The following ANK3 variants were observed in gnomAD, a reference collection of about 807,000 sequenced individuals.
The protein encoded by ANK3 is ankyrin 3.
ANK3 carries 57 observed loss-of-function variants against 370.9 expected under a neutral mutation model. The ratio of observed to expected loss-of-function variants is 0.15; its 90% confidence interval spans 0.12 to 0.19. The LOEUF is 0.19. ANK3 is among the 10% of genes least tolerant of loss of function. The pLI is 1.00. For missense variants in ANK3, 4,439 were observed against 5,302.1 expected, an observed-to-expected ratio of 0.84 and a Z score of 5.06; for synonymous variants, 1,929 against 1,946.3, an observed-to-expected ratio of 0.99 and a Z score of 0.23.
At chr10:60,113,439 C>T (rs1034220946) in intron 26 of ANK3, among the ~76,000 whole-genome samples, 15 of 152,240 alleles carry the variant, frequency 9.9e-5, no homozygotes, top group Admixed American at 4.6e-4. Context: ...CTAGGTGTGG[C>T]GGCTCATGCC....
intron 2 of ANK3, among the ~76,000 whole-genome samples, chr10:60,563,279 T>C (rs982831287): frequency 6.6e-6 from 1 of 152,164 alleles, no homozygotes. Flanking sequence ...TTTGCTATAG[T>C]GCTTGGCATT....
At chr10:60,464,502 C>T (rs1327948748) in intron 2 of ANK3, among the ~76,000 whole-genome samples, 2 of 128,004 alleles carry the variant, frequency 1.6e-5, no homozygotes, top group Non-Finnish European at 3.7e-5. Context: ...TATAAGAACA[C>T]TCTCTAACTA....
chr10:60,264,297 G>A (rs903715055), intron 5 of ANK3, among the ~76,000 whole-genome samples: 1 of 152,038 alleles, frequency 6.6e-6, no homozygotes, highest in African/African-American at 2.4e-5. Flanking sequence ...AATTTTGAAA[G>A]TGTACAAAAA....
At chr10:60,291,903 G>A (rs986902947) in intron 1 of ANK3, among the ~76,000 whole-genome samples, 26 of 152,168 alleles carry the variant, frequency 1.7e-4, no homozygotes, top group African/African-American at 4.3e-4. Flanking sequence ...CAGTAGAGAC[G>A]GAGTTTTGCC....
intron 28 of ANK3, 53 bp from the exon 29 acceptor site, chr10:60,088,411 A>C (rs762452669): frequency 3.2e-5 from 47 of 1,450,248 alleles, no homozygotes; most frequent in Non-Finnish European, 4.0e-5. Flanking sequence ...TCTACAACAT[A>C]CCTTAAGTCA....
chr10:60,570,684 G>A (rs1175804990), intron 2 of ANK3, among the ~76,000 whole-genome samples: 1 of 152,146 alleles, frequency 6.6e-6, no homozygotes, highest in Non-Finnish European at 1.5e-5. Context: ...ACTAGACAGA[G>A]GGTGATGATC....
intron 1 of ANK3, among the ~76,000 whole-genome samples, chr10:60,334,025 C>T (rs1054342120): frequency 2.0e-5 from 3 of 152,056 alleles, no homozygotes; most frequent in African/African-American, 4.8e-5. Flanking sequence ...TACCTATGTG[C>T]TCACAGGAAT....
chr10:60,386,935 G>A (rs751092665), intron 1 of ANK3, among the ~76,000 whole-genome samples: 3 of 152,164 alleles, frequency 2.0e-5, no homozygotes, highest in Non-Finnish European at 4.4e-5. Flanking sequence ...CTAGGCGGGT[G>A]GATCACCTGA....
At chr10:60,366,436 G>T (rs1439641101) in intron 1 of ANK3, among the ~76,000 whole-genome samples, 3 of 152,178 alleles carry the variant, frequency 2.0e-5, no homozygotes, top group Admixed American at 2.0e-4. Context: ...TGCCAGGAAA[G>T]GAGGCACTTT....
intron 7 of ANK3, among the ~76,000 whole-genome samples, chr10:60,251,914 A>T (rs2097672990): frequency 6.6e-6 from 1 of 152,082 alleles, no homozygotes; most frequent in Admixed American, 6.6e-5. Context: ...CTCATAATTC[A>T]TCTTCAGTCT....
intron 2 of ANK3, among the ~76,000 whole-genome samples, chr10:60,395,608 C>CTTTCTTTCTT (rs1444364281): frequency 9.1e-6 from 1 of 109,892 alleles, no homozygotes; most frequent in African/African-American, 4.1e-5. Flanking sequence ...TTCTTTCTTT[C>CTTTCTTTCTT]TCTCTTTCGT....
At chr10:60,079,174 T>TACACACACACACACACACACACACAC (rs58239281) in intron 36 of ANK3, among the ~76,000 whole-genome samples, 17 of 113,844 alleles carry the variant, frequency 1.5e-4, no homozygotes, top group East Asian at 2.9e-4. Flanking sequence ...GCTACCTAGC[T>TACACACACACACACACACACACACAC]ACACACACAC....
At chr10:60,088,826 A>G (rs2087387747) in intron 28 of ANK3, among the ~76,000 whole-genome samples, 1 of 152,232 alleles carries the variant, frequency 6.6e-6, no homozygotes, top group African/African-American at 2.4e-5. Context: ...GGGTTTTGCA[A>G]AAATATTATA....
intron 23 of ANK3, among the ~76,000 whole-genome samples, chr10:60,158,574 GATT>G (rs1290814430): frequency 1.3e-5 from 2 of 151,562 alleles, no homozygotes; most frequent in Non-Finnish European, 2.9e-5. Context: ...TAAAATAATT[GATT>G]ATAAGATGTT....
intron 1 of ANK3, among the ~76,000 whole-genome samples, chr10:60,331,777 A>C (rs1243570995): frequency 1.3e-5 from 2 of 152,124 alleles, no homozygotes; most frequent in Non-Finnish European, 2.9e-5. Flanking sequence ...AGATTTAAAA[A>C]ATAGTTTATA....
At chr10:60,412,508 G>T (rs2063580260) in intron 2 of ANK3, among the ~76,000 whole-genome samples, 1 of 152,148 alleles carries the variant, frequency 6.6e-6, no homozygotes, top group South Asian at 2.1e-4. Flanking sequence ...GATGAAGATT[G>T]CAGGACTTCT....
At chr10:60,634,577 T>G (rs1332644670) in intron 1 of ANK3, among the ~76,000 whole-genome samples, 3 of 151,970 alleles carry the variant, frequency 2.0e-5, no homozygotes, top group Admixed American at 2.0e-4. Flanking sequence ...GGAGGATGTG[T>G]GTGGGGCCAA....
chr10:60,131,147 A>G (rs79872162), intron 25 of ANK3, among the ~76,000 whole-genome samples: 5,720 of 152,340 alleles, frequency 0.038, 178 homozygotes, highest in Non-Finnish European at 0.057. Flanking sequence ...TAAGAAAATT[A>G]TCAATGCTAA....
chr10:60,375,481 C>A (rs1454674909), intron 1 of ANK3, among the ~76,000 whole-genome samples: 7 of 151,822 alleles, frequency 4.6e-5, no homozygotes, highest in Admixed American at 3.9e-4. Context: ...CAAAGGTAAC[C>A]CATTAAGGCC....
Sources: allele counts gnomAD v4.1 joint callset (sites outside exome capture counted in the v4.1 genomes callset), GRCh38; gene constraint gnomAD v4.1.1; transcripts MANE v1.5; gene names NCBI Gene and HGNC (gene_info 2026-07-23, HGNC 2026-07-21).